BNC1: variants seen among roughly 807,000 people sequenced by gnomAD.
The protein encoded by BNC1 is basonuclin zinc finger protein 1.
Under a neutral mutation model 66.5 loss-of-function variants are expected in BNC1, and 8 were observed. The ratio of observed to expected loss-of-function variants is 0.12; its 90% confidence interval spans 0.07 to 0.22. The LOEUF (loss-of-function observed/expected upper bound fraction) is 0.22, where lower values mean the gene tolerates loss of function less well. Ranked by LOEUF, BNC1 falls within the 10% of genes least tolerant of loss-of-function variation. The pLI, the probability that BNC1 is intolerant of heterozygous loss-of-function variation, is 1.00. For synonymous variants in BNC1, 454 were observed against 452.6 expected, an observed-to-expected ratio of 1.00 and a Z score of -0.04; for missense variants, 1,069 against 1,241.3, an observed-to-expected ratio of 0.86 and a Z score of 2.09.
At chr15:83,275,761 A>C (rs1375910062) in intron 1 of BNC1, among the ~76,000 whole-genome samples, 1 of 152,146 alleles carries the variant, frequency 6.6e-6, no homozygotes, top group Non-Finnish European at 1.5e-5. Context: ...TTAAGGGGCC[A>C]ATGTAGCTGG....
chr15:83,284,237 G>A (rs1035581193), intron 1 of BNC1, among the ~76,000 whole-genome samples: 1 of 152,102 alleles, frequency 6.6e-6, no homozygotes, highest in African/African-American at 2.4e-5. Flanking sequence ...ATTTCCACAG[G>A]CTGGCCCGCC....
At chr15:83,275,308 C>T (rs538028997) in intron 1 of BNC1, among the ~76,000 whole-genome samples, 1 of 152,162 alleles carries the variant, frequency 6.6e-6, no homozygotes, top group East Asian at 1.9e-4. Flanking sequence ...CCAGACTGGC[C>T]AACATGGCGA....
intron 1 of BNC1, chr15:83,283,144 C>G (rs2038399116): frequency 1.3e-6 from 2 of 1,535,588 alleles, no homozygotes; most frequent in South Asian, 1.2e-5. Flanking sequence ...CTGTCAGACT[C>G]GGAGCGGTGG....
chr15:83,259,854 AACTACT>A (rs948821354), intron 4 of BNC1, among the ~76,000 whole-genome samples: 9 of 152,256 alleles, frequency 5.9e-5, no homozygotes, highest in African/African-American at 2.2e-4. Context: ...TAAGACCAGT[AACTACT>A]ACAACTGTAA....
At chr15:83,279,354 T>C (rs1298340140) in intron 1 of BNC1, among the ~76,000 whole-genome samples, 1 of 152,158 alleles carries the variant, frequency 6.6e-6, no homozygotes, top group African/African-American at 2.4e-5. Context: ...TGAAATCTTC[T>C]ATAATAAAAA....
At chr15:83,279,588 A>G (rs963911640) in intron 1 of BNC1, among the ~76,000 whole-genome samples, 1 of 152,212 alleles carries the variant, frequency 6.6e-6, no homozygotes, top group African/African-American at 2.4e-5. Flanking sequence ...CACAGAGCAC[A>G]GGTCTCTGTT....
intron 1 of BNC1, among the ~76,000 whole-genome samples, chr15:83,269,139 G>T (rs562439463): frequency 1.3e-5 from 2 of 152,208 alleles, no homozygotes; most frequent in African/African-American, 4.8e-5. Context: ...CCGAAGAATC[G>T]CTTAAACCCG....
chr15:83,262,294 G>A (rs1419332270), intron 4 of BNC1, among the ~76,000 whole-genome samples: 1 of 151,948 alleles, frequency 6.6e-6, no homozygotes, highest in Non-Finnish European at 1.5e-5. Flanking sequence ...CTTGTGATCT[G>A]CCCGCCCTGG....
chr15:83,264,963 C>A, intron 3 of BNC1, 148 bp from the exon 4 acceptor site: 1 of 749,596 alleles, frequency 1.3e-6, no homozygotes, highest in African/African-American at 1.8e-5. Flanking sequence ...TCCCTGCTCA[C>A]CCTACTCTCC....
intron 1 of BNC1, among the ~76,000 whole-genome samples, chr15:83,272,982 G>T (rs11852287): frequency 1.5e-4 from 23 of 152,032 alleles, no homozygotes; most frequent in East Asian, 3.9e-4. Flanking sequence ...ATGCCCTTGG[G>T]GGGGGGCCTA....
chr15:83,270,678 T>C (rs915856473), intron 1 of BNC1, among the ~76,000 whole-genome samples: 1 of 152,166 alleles, frequency 6.6e-6, no homozygotes, highest in African/African-American at 2.4e-5. Context: ...TTAAATTGGG[T>C]TGTTTACCTT....
rs376863282 is a variant in BNC1 at position 83,263,246 on chromosome 15, A to G, written c.2005T>C (p.Ser669Pro). ...TPGMEPQVPF[S>P]DYMELQQRLL... ...CGCTGCTGCAGTTCCATGTAGTCAG[A>G]AAAAGGAACTTGGGGTTCCATCCCA... is the stretch of plus-strand genomic sequence containing the variant. Residue 669 changes from serine to proline, a missense_variant, in exon 4 of 5, where the codon TCT (serine) becomes CCT (proline). Transcript: ENST00000345382. 5 of 1,614,222 alleles carry G rather than the reference A, an allele frequency of 3.1e-6. No individual in the cohort carries two copies. Among genetic ancestry groups the G allele is most frequent in the Admixed American group, 1.7e-5 (1 of 60,032 alleles).
At chr15:83,283,365 A>C in intron 1 of BNC1, 5 of 1,350,556 alleles carry the variant, frequency 3.7e-6, no homozygotes, top group Non-Finnish European at 4.8e-6. Context: ...GCGGCTCCGG[A>C]GGAGCAGCGG....
intron 1 of BNC1, among the ~76,000 whole-genome samples, chr15:83,271,469 G>A (rs1238443860): frequency 6.6e-6 from 1 of 152,198 alleles, no homozygotes; most frequent in Non-Finnish European, 1.5e-5. Flanking sequence ...AACAGGAAAT[G>A]TGGGAGAAAA....
intron 1 of BNC1, among the ~76,000 whole-genome samples, chr15:83,274,010 C>G (rs962574038): frequency 6.6e-6 from 1 of 152,132 alleles, no homozygotes. Context: ...GGGGGACTAA[C>G]TGGTAAGGGG....
At chr15:83,275,835 A>G (rs1400779446) in intron 1 of BNC1, among the ~76,000 whole-genome samples, 1 of 152,148 alleles carries the variant, frequency 6.6e-6, no homozygotes, top group African/African-American at 2.4e-5. Context: ...ACCACTGTGC[A>G]TAGGACCTTG....
chr15:83,265,493 G>T (rs2151436454), intron 3 of BNC1, among the ~76,000 whole-genome samples: 1 of 152,282 alleles, frequency 6.6e-6, no homozygotes, highest in South Asian at 2.1e-4. Context: ...GATGAAGAAT[G>T]TAACATCATA....
At chr15:83,277,760 T>C (rs904592842) in intron 1 of BNC1, among the ~76,000 whole-genome samples, 38 of 152,314 alleles carry the variant, frequency 2.5e-4, no homozygotes, top group African/African-American at 9.1e-4. Context: ...CTGGCTTCAC[T>C]TAACCTGTTG....
At chr15:83,275,744 G>C (rs948587131) in intron 1 of BNC1, among the ~76,000 whole-genome samples, 1 of 152,150 alleles carries the variant, frequency 6.6e-6, no homozygotes, top group African/African-American at 2.4e-5. Context: ...GGGTGTTCAG[G>C]GAAGAGTTAA....
Sources: allele counts gnomAD v4.1 joint callset (sites outside exome capture counted in the v4.1 genomes callset), GRCh38; gene constraint gnomAD v4.1.1; transcripts MANE v1.5; gene names NCBI Gene and HGNC (gene_info 2026-07-23, HGNC 2026-07-21).